MPRIP: variants seen among roughly 807,000 people sequenced by gnomAD.
MPRIP encodes the protein myosin phosphatase Rho-interacting protein.
A neutral mutation model predicts 234.9 loss-of-function variants in MPRIP; 59 were observed. That is an observed-to-expected ratio of 0.25 (90% CI 0.20 to 0.31). The LOEUF (loss-of-function observed/expected upper bound fraction) is 0.31. Ranked by LOEUF, MPRIP falls within the 10% of genes least tolerant of loss-of-function variation. The pLI is 1.00. For missense variants in MPRIP, 2,436 were observed against 3,071.0 expected (o/e 0.79, Z 4.89); for synonymous variants, 1,144 against 1,263.9 (o/e 0.91, Z 2.01).
chr17:17,165,879 C>T lies in MPRIP; in HGVS notation c.4288C>T (p.Arg1430Cys), dbSNP rs1415804687. 3.8e-6 allele frequency: 5 copies of T among 1,304,010 alleles called. No individual in the cohort carries two copies. Among genetic ancestry groups the T allele is most frequent in the South Asian group, 3.7e-5 (3 of 80,984 alleles). The allele number at this position is 1,304,010 out of a possible 1,614,324, so 80.8% of individuals were successfully genotyped here. ...HQWAGTEAQL[R>C]EQLRASLLQV... Reference sequence around the variant, plus strand: ...GTGGGCGGGCACCGAGGCCCAGCTGCGTGAGCAGCTCCGCGCCAGCCTGCT... The same window carrying T: ...GTGGGCGGGCACCGAGGCCCAGCTGTGTGAGCAGCTCCGCGCCAGCCTGCT... The change falls in exon 16 of 24, where the codon CGT (arginine) becomes TGT (cysteine). Residue 1430 changes from arginine (R) to cysteine (C), a missense_variant. Arg to Cys is a radical substitution (Grantham distance 180). This residue lies in a region of MPRIP where 1,998 missense variants were observed against 2,520.3 expected (regional missense o/e 0.79). Transcript: ENST00000651222.
rs549581781 is a variant in MPRIP at position 17,157,064 on chromosome 17, A to T, written c.1830-1368A>T. On this transcript the variant is annotated intron_variant, in intron 13 of 23. Coordinates refer to ENST00000651222, the MANE Select transcript of MPRIP (RefSeq NM_001364716.4). ...CAACTGCCTTCTGAGGGCCTGGGTG[A>T]GATTAGGGGCCCCTCAGTCAGCCTC... is the stretch of plus-strand genomic sequence containing the variant. 5.2e-4 allele frequency among the ~76,000 whole-genome samples: 79 copies of T among 152,166 alleles called. 1 individual carries two copies. In the South Asian group the frequency reaches 0.016, roughly 31 times the overall value.
intron 3 of MPRIP, among the ~76,000 whole-genome samples, chr17:17,109,289 A>C (rs1597817242): frequency 6.6e-6 from 1 of 152,330 alleles, no homozygotes; most frequent in East Asian, 1.9e-4. Context: ...GCACTTTTGC[A>C]GTAGAGTGGA....
intron 1 of MPRIP, among the ~76,000 whole-genome samples, chr17:17,043,462 G>A (rs530656621): frequency 6.4e-4 from 97 of 152,282 alleles, no homozygotes; most frequent in African/African-American, 2.2e-3. Context: ...AATCTGGCGA[G>A]GAGGGTCTTG....
At chr17:17,098,362 A>T (rs2089892405) in intron 3 of MPRIP, among the ~76,000 whole-genome samples, 1 of 151,976 alleles carries the variant, frequency 6.6e-6, no homozygotes, top group African/African-American at 2.4e-5. Flanking sequence ...CCTAATTCCC[A>T]TGTCTCTAAA....
Position 17,190,630 on chromosome 17 carries a change from C to T in MPRIP, c.*5736C>T, listed in dbSNP as rs551475215. Reference sequence around the variant, plus strand: ...GTGAGCTTCAAGTATTCTTGCTTCTCTGTAAAGGGAAGACATCTCCCTTCT... The same window carrying T: ...GTGAGCTTCAAGTATTCTTGCTTCTTTGTAAAGGGAAGACATCTCCCTTCT... On this transcript the variant is annotated 3_prime_UTR_variant, in exon 24 of 24. Transcript: ENST00000651222. 14 of 152,368 alleles carry T rather than the reference C, an allele frequency of 9.2e-5. No homozygotes were observed. In the East Asian group the frequency reaches 2.7e-3, roughly 29 times the overall value. 9.4% of individuals were successfully genotyped at this position (152,368 alleles called of 1,614,324 possible).
Position 17,185,098 on chromosome 17 carries a change from T to C in MPRIP, c.*204T>C. 4.5e-6 allele frequency: 2 copies of C among 448,748 alleles called. No individual in the cohort carries two copies. Among genetic ancestry groups the C allele is most frequent in the Non-Finnish European group, 8.4e-6 (2 of 239,388 alleles). 27.8% of individuals were successfully genotyped at this position (448,748 alleles called of 1,614,324 possible). On this transcript the variant is annotated 3_prime_UTR_variant, in exon 24 of 24. Coordinates refer to ENST00000651222, the MANE Select transcript of MPRIP (RefSeq NM_001364716.4). ...CTGTGTTGACTTCCTGTTGTCTTCA[T>C]CAAAGCTTTTTTCCGTGGTATTCTA...
intron 1 of MPRIP, among the ~76,000 whole-genome samples, chr17:17,043,220 CAAA>C (rs2088235751): frequency 6.6e-6 from 1 of 152,142 alleles, no homozygotes; most frequent in African/African-American, 2.4e-5. Flanking sequence ...TTGGGTGACT[CAAA>C]AGTGCCTGGT....
intron 1 of MPRIP, among the ~76,000 whole-genome samples, chr17:17,044,777 G>T (rs931928076): frequency 1.3e-5 from 2 of 152,070 alleles, no homozygotes; most frequent in African/African-American, 4.8e-5. Flanking sequence ...TTGGATTCAC[G>T]GGGAGAGGCA....
rs78760354 is a variant in MPRIP, at chr17:17,128,978, C to T, written c.419+2125C>T. 5.3e-3 allele frequency among the ~76,000 whole-genome samples: 810 copies of T among 152,302 alleles called. 4 individuals carry two copies. The highest frequency in any genetic ancestry group is 0.018 in the African/African-American group (739 of 41,552). ...TCTCTGGTCACATCAAAGCTGGTCC[C>T]TAAGAAGGTGCAGACACTTCCACCA... is the stretch of plus-strand genomic sequence containing the variant. On this transcript the variant is annotated intron_variant, in intron 4 of 23. Coordinates refer to ENST00000651222, the MANE Select transcript of MPRIP (RefSeq NM_001364716.4).
intron 3 of MPRIP, among the ~76,000 whole-genome samples, chr17:17,110,075 T>C (rs973012614): frequency 2.0e-5 from 3 of 152,166 alleles, no homozygotes; most frequent in African/African-American, 7.2e-5. Flanking sequence ...ATCAGTGCCC[T>C]GCCCTGGGCG....
intron 1 of MPRIP, among the ~76,000 whole-genome samples, chr17:17,049,339 G>A (rs1363826598): frequency 6.6e-6 from 1 of 152,212 alleles, no homozygotes; most frequent in Non-Finnish European, 1.5e-5. Context: ...CTTGACTTAT[G>A]ATGGGACTTA....
rs2090756447 is a variant in MPRIP, at chr17:17,138,787, A to G, written c.1250+358A>G. The stretch of plus-strand genomic sequence containing the variant: ...CTATTCTCTGAAGTGGCATGGAGGC[A>G]GGGAGTCCCTAGAGCTACATGTGGT... On this transcript the variant is annotated intron_variant, in intron 7 of 23. Coordinates refer to ENST00000651222, the MANE Select transcript of MPRIP (RefSeq NM_001364716.4). The surrounding 1 kb of genome is among the most constrained non-coding windows in gnomAD (Gnocchi z 5.8). 6.6e-6 allele frequency among the ~76,000 whole-genome samples: 1 copy of G among 152,172 alleles called. No homozygotes were observed. The highest frequency in any genetic ancestry group is 2.4e-5 in the African/African-American group (1 of 41,454).
intron 4 of MPRIP, among the ~76,000 whole-genome samples, chr17:17,127,507 C>A (rs551975309): frequency 6.6e-6 from 1 of 152,342 alleles, no homozygotes; most frequent in Admixed American, 6.5e-5. Context: ...ATCTGCCTTC[C>A]CAGAGCTCCC....
chr17:17,061,846 T>C (rs990365711), intron 1 of MPRIP, among the ~76,000 whole-genome samples: 2 of 152,132 alleles, frequency 1.3e-5, no homozygotes, highest in Non-Finnish European at 2.9e-5. Context: ...CTCCTTCCAC[T>C]GTGGAGCACT....
At chr17:17,074,045 A>G (rs1376179254) in intron 1 of MPRIP, among the ~76,000 whole-genome samples, 1 of 152,232 alleles carries the variant, frequency 6.6e-6, no homozygotes, top group Non-Finnish European at 1.5e-5. Context: ...TTCTTGGTTC[A>G]GCCTGGAGGC....
At chr17:17,074,837 T>C (rs1234361794) in intron 1 of MPRIP, among the ~76,000 whole-genome samples, 1 of 152,242 alleles carries the variant, frequency 6.6e-6, no homozygotes, top group African/African-American at 2.4e-5. Flanking sequence ...TCTGGCTGAA[T>C]AATGTTCCCT....
At position 17,099,704 on chromosome 17, in the gene MPRIP, G is replaced by A. The variant is rs147086903; in HGVS notation, c.267+21628G>A. On this transcript the variant is annotated intron_variant, in intron 3 of 23. Transcript: ENST00000651222. Reference sequence around the variant, plus strand: ...ATTGCACCACTGCAGTCTAGCCTGGGAGACAGACAGGGAGACCCCATCTCT... The same window carrying A: ...ATTGCACCACTGCAGTCTAGCCTGGAAGACAGACAGGGAGACCCCATCTCT... 1.2e-4 allele frequency among the ~76,000 whole-genome samples: 19 copies of A among 152,256 alleles called. No homozygotes were observed. The South Asian group carries it at 2.7e-3, about 22-fold the overall frequency.
intron 5 of MPRIP, among the ~76,000 whole-genome samples, chr17:17,134,260 A>G (rs1448265247): frequency 1.3e-5 from 2 of 152,150 alleles, no homozygotes; most frequent in Non-Finnish European, 2.9e-5. Context: ...CTGCTTGGCA[A>G]GCAAGGCTCT....
chr17:17,145,060 T>C (rs113120049), intron 9 of MPRIP, among the ~76,000 whole-genome samples: 1 of 152,198 alleles, frequency 6.6e-6, no homozygotes, highest in South Asian at 2.1e-4. Context: ...CAAGGACAGT[T>C]GCACAGCTTG....
Sources: allele counts gnomAD v4.1 joint callset (sites outside exome capture counted in the v4.1 genomes callset), GRCh38; gene constraint gnomAD v4.1.1; regional missense constraint gnomAD v4.1.1; non-coding constraint Gnocchi (gnomAD v3.1); transcripts MANE v1.5; gene names NCBI Gene and HGNC (gene_info 2026-07-23, HGNC 2026-07-21).